Variants in PDE1A observed in about 807,000 individuals in gnomAD.
The protein encoded by PDE1A is dual specificity calcium/calmodulin-dependent 3',5'-cyclic nucleotide phosphodiesterase 1A.
A neutral mutation model predicts 61.7 loss-of-function variants in PDE1A; 35 were observed. That is an observed-to-expected ratio of 0.57 (90% confidence interval 0.43 to 0.75). The LOEUF (loss-of-function observed/expected upper bound fraction) is 0.75. Ranked by LOEUF, PDE1A falls within the 30% of genes least tolerant of loss-of-function variation. The pLI is 0.00. For missense variants in PDE1A, 597 were observed against 630.6 expected (o/e 0.95, Z 0.57); for synonymous variants, 232 against 213.2 (o/e 1.09, Z -0.77).
intron 1 of PDE1A, among the ~76,000 whole-genome samples, chr2:182,367,714 T>C (rs1699914142): frequency 6.6e-6 from 1 of 152,102 alleles, no homozygotes; most frequent in Non-Finnish European, 1.5e-5. Context: ...CCTAATACTT[T>C]AAAAAATTAA....
rs1363736024 is a variant in PDE1A, at chr2:182,198,981, G to GT, written c.1125+2457dup. Among the ~76,000 whole-genome samples the GT allele has an allele frequency of 3.9e-5, 6 of 152,056 alleles. No homozygotes were observed. The East Asian group carries it at 1.2e-3, about 29-fold the overall frequency. On this transcript the variant is annotated intron_variant, in intron 10 of 13. Coordinates refer to ENST00000351439, the Ensembl canonical transcript of PDE1A. ...AGAATTAAAGTCATCTAAGCCTAGA[G>GT]TTTTCTTCATAAGAAGAGTTAAAGT...
intron 2 of PDE1A, among the ~76,000 whole-genome samples, chr2:182,476,962 T>C (rs1210372373): frequency 6.6e-6 from 1 of 150,614 alleles, no homozygotes; most frequent in Non-Finnish European, 1.5e-5. Context: ...GCATTATACA[T>C]GACACATTTT....
At chr2:182,203,656 T>C (rs969327691) in intron 8 of PDE1A, among the ~76,000 whole-genome samples, 4 of 152,082 alleles carry the variant, frequency 2.6e-5, no homozygotes, top group African/African-American at 9.7e-5. Flanking sequence ...ATGTTATCAA[T>C]AACCAACTAA....
At chr2:182,498,857 T>C (rs1431472623) in intron 2 of PDE1A, among the ~76,000 whole-genome samples, 1 of 151,780 alleles carries the variant, frequency 6.6e-6, no homozygotes, top group African/African-American at 2.4e-5. Context: ...GGCAGGAGAA[T>C]GGCGTGAACC....
intron 1 of PDE1A, among the ~76,000 whole-genome samples, chr2:182,370,735 G>A (rs1480223053): frequency 6.6e-6 from 1 of 152,128 alleles, no homozygotes; most frequent in African/African-American, 2.4e-5. Context: ...TGTTACAGAA[G>A]GACACAGAAA....
intron 2 of PDE1A, among the ~76,000 whole-genome samples, chr2:182,511,170 G>T (rs745961355): frequency 6.6e-6 from 1 of 152,002 alleles, no homozygotes; most frequent in African/African-American, 2.4e-5. Context: ...TTGAGGAATT[G>T]AAAAATCAAT....
At chr2:182,397,761 A>C (rs1023229711) in intron 1 of PDE1A, among the ~76,000 whole-genome samples, 1 of 152,084 alleles carries the variant, frequency 6.6e-6, no homozygotes, top group African/African-American at 2.4e-5. Context: ...ATCAGGGATC[A>C]GTTTTTGGTC....
the PDE1A span, among the ~76,000 whole-genome samples, chr2:182,529,208 C>T: frequency 6.6e-6 from 1 of 152,216 alleles, no homozygotes; most frequent in Admixed American, 6.5e-5. Context: ...TGCAGAGCCA[C>T]AGGGGCAGAG....
intron 1 of PDE1A, among the ~76,000 whole-genome samples, chr2:182,416,164 T>G (rs573855721): frequency 2.6e-5 from 4 of 152,288 alleles, no homozygotes; most frequent in African/African-American, 7.2e-5. Context: ...TTAAAAAATA[T>G]AAACTAAATA....
chr2:182,513,206 C>A (rs1689918783), intron 2 of PDE1A, among the ~76,000 whole-genome samples: 1 of 152,112 alleles, frequency 6.6e-6, no homozygotes, highest in South Asian at 2.1e-4. Context: ...GAGAGAAGGG[C>A]AGGCTGCCTA....
At chr2:182,201,657 A>AAAAAC (rs1686651606) in intron 9 of PDE1A, 31 bp downstream of exon 9, 2 of 1,554,368 alleles carry the variant, frequency 1.3e-6, no homozygotes, top group Admixed American at 2.1e-5. Flanking sequence ...TGACAAAAAA[A>AAAAAC]AAAAAACAAC....
At chr2:182,570,450 C>T in the PDE1A span, among the ~76,000 whole-genome samples, 1 of 152,110 alleles carries the variant, frequency 6.6e-6, no homozygotes, top group African/African-American at 2.4e-5. Context: ...GAGCAAATCC[C>T]TTTCTTATCA....
At chr2:182,577,897 G>A in the PDE1A span, among the ~76,000 whole-genome samples, 1 of 145,144 alleles carries the variant, frequency 6.9e-6, no homozygotes, top group Admixed American at 7.0e-5. Context: ...TCCAGTCTGG[G>A]CGACAGAGCA....
At chr2:182,349,315 G>A (rs576367275) in intron 1 of PDE1A, among the ~76,000 whole-genome samples, 1 of 152,216 alleles carries the variant, frequency 6.6e-6, no homozygotes, top group East Asian at 1.9e-4. Context: ...ATTTCTCTTT[G>A]CCAAAATCAA....
At chr2:182,579,651 G>A in the PDE1A span, among the ~76,000 whole-genome samples, 4 of 151,970 alleles carry the variant, frequency 2.6e-5, no homozygotes, top group African/African-American at 9.7e-5. Context: ...TCTGAAAGGA[G>A]AACAAGTTTG....
intron 13 of PDE1A, among the ~76,000 whole-genome samples, chr2:182,175,686 T>C (rs1574567247): frequency 1.6e-5 from 1 of 61,904 alleles, no homozygotes; most frequent in Non-Finnish European, 3.1e-5. Flanking sequence ...CTCTTTAGTT[T>C]AATTAGATCC....
In PDE1A at chr2:182,426,813, T is replaced by A. The variant is rs1359947102; in HGVS notation, c.-183A>T. The A allele has an allele frequency of 2.1e-6, 3 of 1,421,970 alleles. No homozygotes were observed. The African/African-American group carries it at 4.3e-5, about 21-fold the overall frequency. 88.1% of individuals were successfully genotyped at this position (1,421,970 alleles called of 1,614,324 possible). A position where few individuals can be genotyped will look rare whatever the true frequency, so the allele number is the denominator to read the frequency against. ...CTCTGCCAGCTGAGCAGTGTGTCCATAGAGGCCACATAAGACAGGCACGTT... is the reference window on the plus strand; with the variant it reads ...CTCTGCCAGCTGAGCAGTGTGTCCAAAGAGGCCACATAAGACAGGCACGTT... On this transcript the variant is annotated 5_prime_UTR_variant, in exon 1 of 14. An upstream start codon of the reference 5' UTR is lost. Coordinates refer to ENST00000351439, the Ensembl canonical transcript of PDE1A.
At chr2:182,203,734 TTTAAA>T (rs1387322045) in intron 8 of PDE1A, among the ~76,000 whole-genome samples, 1 of 151,944 alleles carries the variant, frequency 6.6e-6, no homozygotes, top group Non-Finnish European at 1.5e-5. Flanking sequence ...TGTGAAAACT[TTTAAA>T]TTAATGCATT....
chr2:182,632,462 T>G, the PDE1A span, among the ~76,000 whole-genome samples: 1 of 152,254 alleles, frequency 6.6e-6, no homozygotes, highest in East Asian at 1.9e-4. Flanking sequence ...ACTTCTCATT[T>G]TTTTTTTCTT....
Sources: allele counts gnomAD v4.1 joint callset (sites outside exome capture counted in the v4.1 genomes callset), GRCh38; gene constraint gnomAD v4.1.1; transcripts MANE v1.5; gene names NCBI Gene and HGNC (gene_info 2026-07-23, HGNC 2026-07-21).